THADA: variants seen among roughly 807,000 people sequenced by gnomAD.
The protein encoded by THADA is tRNA (32-2'-O)-methyltransferase regulator THADA.
THADA carries 213 observed loss-of-function variants against 219.8 expected under a neutral mutation model. The ratio of observed to expected loss-of-function variants is 0.97; its 90% CI spans 0.87 to 1.09. The LOEUF is 1.09. Ranked by LOEUF, THADA falls within the 50% of genes least tolerant of loss-of-function variation. The pLI is 0.00. For synonymous variants in THADA, 1,018 were observed against 828.9 expected, an observed-to-expected ratio of 1.23 and a Z score of -3.92; for missense variants, 2,956 against 2,311.3, an observed-to-expected ratio of 1.28 and a Z score of -5.72.
intron 36 of THADA, among the ~76,000 whole-genome samples, chr2:43,269,187 T>G (rs1671857582): frequency 6.6e-6 from 1 of 152,192 alleles, no homozygotes; most frequent in African/African-American, 2.4e-5. Flanking sequence ...GACAACACCC[T>G]GCAGCCGCGT....
At position 43,446,050 on chromosome 2, in the gene THADA, T is replaced by C. The variant is rs1043763203; in HGVS notation, c.3837-15748A>G. ...TCCACTCCTTTACACAGTGAGTTGGTGAGTAAATATCAATCTCTTGAATTC... is the reference window on the plus strand; with the variant it reads ...TCCACTCCTTTACACAGTGAGTTGGCGAGTAAATATCAATCTCTTGAATTC... On this transcript the variant is annotated intron_variant, in intron 26 of 37. Coordinates refer to ENST00000405975, the MANE Select transcript of THADA (RefSeq NM_022065.5). Among the ~76,000 whole-genome samples the C allele has an allele frequency of 4.6e-5, 7 of 152,322 alleles. No homozygotes were observed. In the South Asian group the frequency reaches 1.4e-3, roughly 32 times the overall value.
At chr2:43,308,952 A>G (rs1042133056) in intron 31 of THADA, among the ~76,000 whole-genome samples, 1 of 152,116 alleles carries the variant, frequency 6.6e-6, no homozygotes, top group Non-Finnish European at 1.5e-5. Context: ...AGTCTAAAAC[A>G]CACAAAAAAA....
intron 31 of THADA, among the ~76,000 whole-genome samples, chr2:43,317,439 G>A (rs1381005870): frequency 2.0e-5 from 3 of 152,142 alleles, no homozygotes; most frequent in Non-Finnish European, 4.4e-5. Flanking sequence ...ATTCTTTCAA[G>A]GAGCTTATAT....
In THADA at chr2:43,540,835, T is replaced by C. The variant is rs7577608; in HGVS notation, c.3264+324A>G. 8.0e-3 allele frequency among the ~76,000 whole-genome samples: 1,221 copies of C among 152,320 alleles called. 15 individuals are homozygous for C. Among genetic ancestry groups the C allele is most frequent in the African/African-American group, 0.028 (1,159 of 41,582 alleles). On this transcript the variant is annotated intron_variant, in intron 21 of 37. Coordinates refer to ENST00000405975, the MANE Select transcript of THADA (RefSeq NM_022065.5). ...AAAATTTAAGAGATTTGTGGAGTTT[T>C]ACTAAATAAGACAATTTTAAGCTAA...
At chr2:43,538,386 CT>C (rs1694876560) in intron 21 of THADA, 1 of 152,128 alleles carries the variant, frequency 6.6e-6, no homozygotes, top group African/African-American at 2.4e-5. Context: ...ATGAAAGAAC[CT>C]TTCATTATGT....
intron 3 of THADA, 77 bp downstream of exon 3, chr2:43,591,875 C>A: frequency 1.0e-6 from 1 of 990,668 alleles, no homozygotes. Context: ...GGACCAAAAA[C>A]TGTCAGTGAT....
intron 7 of THADA, among the ~76,000 whole-genome samples, chr2:43,583,253 A>G (rs1212520263): frequency 6.6e-6 from 1 of 152,168 alleles, no homozygotes; most frequent in Non-Finnish European, 1.5e-5. Flanking sequence ...TCCTACAAAA[A>G]CATTGTAATC....
intron 28 of THADA, among the ~76,000 whole-genome samples, chr2:43,405,005 C>T (rs72879286): frequency 4.6e-5 from 7 of 152,328 alleles, no homozygotes; most frequent in African/African-American, 1.7e-4. Flanking sequence ...TTTGTCTCAA[C>T]AACTGGCTGA....
intron 36 of THADA, among the ~76,000 whole-genome samples, chr2:43,240,204 G>T (rs1463520934): frequency 6.6e-6 from 1 of 152,188 alleles, no homozygotes; most frequent in Non-Finnish European, 1.5e-5. Context: ...TGGGCCGCAG[G>T]GAGACAAGCT....
At chr2:43,306,031 C>T (rs114115272) in intron 31 of THADA, among the ~76,000 whole-genome samples, 1,559 of 143,206 alleles carry the variant, frequency 0.011, 33 homozygotes, top group African/African-American at 0.037. Flanking sequence ...CTTGTTACCA[C>T]GCCGGAGTGC....
chr2:43,379,559 A>G (rs965474422), intron 29 of THADA, among the ~76,000 whole-genome samples: 2 of 152,222 alleles, frequency 1.3e-5, no homozygotes, highest in Non-Finnish European at 2.9e-5. Context: ...AAGTGCTGAC[A>G]AGGACTGAGA....
intron 35 of THADA, among the ~76,000 whole-genome samples, chr2:43,286,101 T>A (rs1407825764): frequency 6.6e-6 from 1 of 152,216 alleles, no homozygotes; most frequent in Non-Finnish European, 1.5e-5. Context: ...CCTAGATTAT[T>A]GCAATAGGCC....
At chr2:43,514,366 G>A (rs571581000) in intron 22 of THADA, among the ~76,000 whole-genome samples, 19 of 149,522 alleles carry the variant, frequency 1.3e-4, no homozygotes, top group East Asian at 3.9e-4. Flanking sequence ...TGGGAGGATC[G>A]CTTGAGCCCA....
chr2:43,397,787 A>G (rs1253638366), intron 29 of THADA, among the ~76,000 whole-genome samples, 184 bp downstream of exon 29: 2 of 152,148 alleles, frequency 1.3e-5, no homozygotes, highest in Non-Finnish European at 2.9e-5. Flanking sequence ...GTAACACTGT[A>G]GTGATATTTG....
At position 43,293,080 on chromosome 2, in the gene THADA, A is replaced by C. The variant is rs372401509; in HGVS notation, c.4572T>G (p.Ile1524Met). Residue 1524 changes from isoleucine (I) to methionine (M), a missense_variant, in exon 32 of 38, where the codon ATT (isoleucine) becomes ATG (methionine). By Grantham distance (10) the Ile-to-Met change is conservative. Transcript: ENST00000405975. ...TGGCTGCCGCGGCCCACACTGCAGCAATGGCTAGTCTGGTGAGGCTCTGGA... is the reference window on the plus strand; with the variant it reads ...TGGCTGCCGCGGCCCACACTGCAGCCATGGCTAGTCTGGTGAGGCTCTGGA... ...QYLQSLTRLA[I>M]AAVWAAAAKS... 3.1e-6 allele frequency: 5 copies of C among 1,613,848 alleles called. No individual in the cohort carries two copies. The African/African-American group carries it at 4.0e-5, about 13-fold the overall frequency.
intron 29 of THADA, among the ~76,000 whole-genome samples, chr2:43,396,032 T>C (rs918695493): frequency 9.2e-5 from 14 of 152,216 alleles, no homozygotes; most frequent in African/African-American, 3.4e-4. Flanking sequence ...GCTGGGATTA[T>C]AGGCATGAGC....
rs115801513 is a variant in THADA at position 43,494,615 on chromosome 2, T to G, written c.3744+4218A>C. On this transcript the variant is annotated intron_variant, in intron 25 of 37. Coordinates refer to ENST00000405975, the MANE Select transcript of THADA (RefSeq NM_022065.5). ...AATGAGGATTATAACAGAACATACC[T>G]GGATAACAGAAGCTACTAAGATAAT... 8.2e-3 allele frequency among the ~76,000 whole-genome samples: 1,256 copies of G among 152,262 alleles called. 8 individuals carry two copies. The highest frequency in any genetic ancestry group is 0.012 in the Non-Finnish European group (843 of 68,016).
At chr2:43,400,478 A>ATATATATAT (rs10687373) in intron 28 of THADA, among the ~76,000 whole-genome samples, 6,145 of 116,526 alleles carry the variant, frequency 0.053, 468 homozygotes, top group Non-Finnish European at 0.077. Context: ...TATATATATA[A>ATATATATAT]ATATATACAC....
At chr2:43,325,119 T>G (rs1679167326) in intron 30 of THADA, among the ~76,000 whole-genome samples, 2 of 152,170 alleles carry the variant, frequency 1.3e-5, no homozygotes, top group African/African-American at 4.8e-5. Context: ...ATCTCTGAAC[T>G]TCTTTAAATC....
Sources: allele counts gnomAD v4.1 joint callset (sites outside exome capture counted in the v4.1 genomes callset), GRCh38; gene constraint gnomAD v4.1.1; transcripts MANE v1.5; gene names NCBI Gene and HGNC (gene_info 2026-07-23, HGNC 2026-07-21).